Variants in AGPAT5 observed in about 807,000 individuals in gnomAD.
AGPAT5 encodes the protein 1-acyl-sn-glycerol-3-phosphate acyltransferase epsilon.
In AGPAT5, 46 loss-of-function variants were observed where a neutral mutation model predicts 45.6. The ratio of observed to expected loss-of-function variants is 1.01; its 90% CI spans 0.80 to 1.29. The LOEUF (loss-of-function observed/expected upper bound fraction) is 1.29. Ranked by LOEUF, AGPAT5 falls within the 50% of genes most tolerant of loss-of-function variation. The pLI, the probability that AGPAT5 is intolerant of heterozygous loss-of-function variation, is 0.00. For missense variants in AGPAT5, 673 were observed against 450.7 expected, an observed-to-expected ratio of 1.49 and a Z score of -4.47; for synonymous variants, 272 against 167.0, an observed-to-expected ratio of 1.63 and a Z score of -4.85.
chr8:6,756,074 G>A (rs1384266012), intron 7 of AGPAT5, among the ~76,000 whole-genome samples: 2 of 152,180 alleles, frequency 1.3e-5, no homozygotes, highest in Non-Finnish European at 2.9e-5. Context: ...GCTAGGGTGT[G>A]TGATTTATAA....
intron 5 of AGPAT5, among the ~76,000 whole-genome samples, chr8:6,743,689 G>T (rs1282560686): frequency 6.6e-6 from 1 of 151,392 alleles, no homozygotes; most frequent in African/African-American, 2.4e-5. Flanking sequence ...TTAGGTATTT[G>T]GCTTTCTAAT....
intron 1 of AGPAT5, among the ~76,000 whole-genome samples, chr8:6,721,550 A>T (rs369918055): frequency 6.6e-6 from 1 of 152,218 alleles, no homozygotes; most frequent in East Asian, 1.9e-4. Flanking sequence ...AGTAGTTACT[A>T]TTATTACACT....
rs563203003 is a variant in AGPAT5, at chr8:6,729,475, A to G, written c.290-1236A>G. On this transcript the variant is annotated intron_variant, in intron 2 of 7. Coordinates refer to ENST00000285518, the MANE Select transcript of AGPAT5 (RefSeq NM_018361.5). ...ACAGTTTTCTTTTCGAGTATCGTTG[A>G]GCTCATGTGTGTATTAACTAGAGAA... Among the ~76,000 whole-genome samples, 3 of 150,432 alleles carry G rather than the reference A, an allele frequency of 2.0e-5. No individual in the cohort carries two copies. In the South Asian group the frequency reaches 6.3e-4, roughly 32 times the overall value.
intron 6 of AGPAT5, among the ~76,000 whole-genome samples, chr8:6,753,295 C>T (rs535928588): frequency 2.6e-4 from 39 of 152,288 alleles, no homozygotes; most frequent in African/African-American, 9.1e-4. Flanking sequence ...TCTGTTCCAT[C>T]TTCCTTACAA....
intron 6 of AGPAT5, among the ~76,000 whole-genome samples, chr8:6,749,125 T>A (rs1801570165): frequency 6.6e-6 from 1 of 152,196 alleles, no homozygotes; most frequent in South Asian, 2.1e-4. Context: ...ATGTTAGGGA[T>A]TTTTCCAAAG....
chr8:6,742,732 G>C (rs1301188008), intron 5 of AGPAT5, among the ~76,000 whole-genome samples: 1 of 152,116 alleles, frequency 6.6e-6, no homozygotes, highest in Non-Finnish European at 1.5e-5. Context: ...GTGCTTACAA[G>C]AGCAGATATG....
chr8:6,723,998 C>T lies in AGPAT5; in HGVS notation c.220-872C>T, dbSNP rs966642292. 2.0e-5 allele frequency among the ~76,000 whole-genome samples: 3 copies of T among 152,174 alleles called. No individual in the cohort carries two copies. The East Asian group carries it at 5.8e-4, about 29-fold the overall frequency. ...AATGCCCAGAATAAAAACTTAGCAC[C>T]ATTAGCAGCCATTTCCTTTTAAGTC... is the stretch of plus-strand genomic sequence containing the variant. On this transcript the variant is annotated intron_variant, in intron 1 of 7. Coordinates refer to ENST00000285518, the MANE Select transcript of AGPAT5 (RefSeq NM_018361.5).
chr8:6,748,591 G>A (rs550675715), intron 6 of AGPAT5, among the ~76,000 whole-genome samples: 5 of 152,178 alleles, frequency 3.3e-5, no homozygotes, highest in Middle Eastern at 6.8e-3. Context: ...TGCAACCTCC[G>A]CCTCCCACGT....
chr8:6,719,411 G>A (rs1010957767), intron 1 of AGPAT5, among the ~76,000 whole-genome samples: 2 of 152,146 alleles, frequency 1.3e-5, no homozygotes, highest in African/African-American at 4.8e-5. Context: ...TTCAATATCT[G>A]ATGAAAAGAT....
chr8:6,736,212 A>T (rs1454753389), intron 4 of AGPAT5, among the ~76,000 whole-genome samples: 2 of 152,204 alleles, frequency 1.3e-5, no homozygotes, highest in African/African-American at 2.4e-5. Flanking sequence ...TATATTTGTC[A>T]AAACTAAGAA....
At chr8:6,749,168 C>T (rs569522328) in intron 6 of AGPAT5, among the ~76,000 whole-genome samples, 1 of 152,048 alleles carries the variant, frequency 6.6e-6, no homozygotes, top group Non-Finnish European at 1.5e-5. Context: ...AATGATTAGT[C>T]TGTTAAATAA....
At chr8:6,709,133 C>A (rs1008782949) in intron 1 of AGPAT5, 1 of 576,728 alleles carries the variant, frequency 1.7e-6, no homozygotes, top group Non-Finnish European at 3.1e-6. Flanking sequence ...TTTCCCCGCC[C>A]CTCGCCTGGG....
intron 6 of AGPAT5, among the ~76,000 whole-genome samples, chr8:6,748,991 A>C (rs1801566974): frequency 6.6e-6 from 1 of 152,328 alleles, no homozygotes; most frequent in Middle Eastern, 3.4e-3. Flanking sequence ...AAAAGTAGAC[A>C]TTATTAAAGC....
chr8:6,721,512 T>C (rs1800497239), intron 1 of AGPAT5, among the ~76,000 whole-genome samples: 1 of 152,248 alleles, frequency 6.6e-6, no homozygotes, highest in Admixed American at 6.5e-5. Context: ...TTACATAGTT[T>C]CACTGATTTC....
At chr8:6,726,954 G>C (rs1800708648) in intron 2 of AGPAT5, among the ~76,000 whole-genome samples, 2 of 152,098 alleles carry the variant, frequency 1.3e-5, no homozygotes, top group African/African-American at 4.8e-5. Flanking sequence ...CCTTTTCCTA[G>C]AAAAATGTGC....
chr8:6,714,227 AATAG>A (rs1800248367), intron 1 of AGPAT5, among the ~76,000 whole-genome samples: 3 of 152,212 alleles, frequency 2.0e-5, no homozygotes, highest in Admixed American at 2.0e-4. Flanking sequence ...GAAGACCTTA[AATAG>A]ATCTTAAATT....
chr8:6,738,328 A>G (rs1212789993), intron 4 of AGPAT5: 7 of 152,170 alleles, frequency 4.6e-5, no homozygotes, highest in Admixed American at 3.9e-4. Context: ...GAATAGGGAA[A>G]CCCAAGGGGC....
chr8:6,708,982 C>A, intron 1 of AGPAT5, 95 bp downstream of exon 1: 1 of 1,267,960 alleles, frequency 7.9e-7, no homozygotes. Flanking sequence ...GGTCACCCGG[C>A]CGGCCCGGCG....
At chr8:6,745,583 A>G (rs1443984791) in intron 5 of AGPAT5, among the ~76,000 whole-genome samples, 1 of 152,254 alleles carries the variant, frequency 6.6e-6, no homozygotes, top group Non-Finnish European at 1.5e-5. Context: ...ACAATGGAGT[A>G]TAATTTTTCT....
Sources: allele counts gnomAD v4.1 joint callset (sites outside exome capture counted in the v4.1 genomes callset), GRCh38; gene constraint gnomAD v4.1.1; transcripts MANE v1.5; gene names NCBI Gene and HGNC (gene_info 2026-07-23, HGNC 2026-07-21).